Variants in HMCN1 observed in about 807,000 individuals in gnomAD.
HMCN1 encodes hemicentin-1.
Under a neutral mutation model 625.9 loss-of-function variants are expected in HMCN1, and 321 were observed. The observed-to-expected ratio is 0.51, with a 90% CI of 0.47 to 0.56. The LOEUF is 0.56. Among genes scored for constraint, HMCN1 ranks in the 20% least tolerant of loss-of-function variants. HMCN1 has a pLI of 0.00. For synonymous variants in HMCN1, 2,425 were observed against 2,417.6 expected (o/e 1.00, Z -0.09); for missense variants, 6,588 against 6,887.3 (o/e 0.96, Z 1.54).
chr1:186,169,033 C>A (rs1232831859), intron 100 of HMCN1, among the ~76,000 whole-genome samples: 1 of 152,112 alleles, frequency 6.6e-6, no homozygotes, highest in Non-Finnish European at 1.5e-5. Context: ...TTTTCTGTTC[C>A]TGTGTTAGTT....
chr1:185,900,394 G>A (rs954565971), intron 4 of HMCN1, among the ~76,000 whole-genome samples: 13 of 151,898 alleles, frequency 8.6e-5, no homozygotes, highest in South Asian at 4.1e-4. Context: ...CATATAAATC[G>A]AAATGTCCTT....
At chr1:185,936,790 A>G (rs568459813) in intron 11 of HMCN1, among the ~76,000 whole-genome samples, 29 of 152,334 alleles carry the variant, frequency 1.9e-4, no homozygotes, top group African/African-American at 7.0e-4. Context: ...GGGGAGCATC[A>G]CATCTCAGCC....
intron 1 of HMCN1, among the ~76,000 whole-genome samples, chr1:185,822,856 TC>T (rs139330553): frequency 0.032 from 4,888 of 152,178 alleles, 234 homozygotes; most frequent in African/African-American, 0.11. Flanking sequence ...TGATAATACT[TC>T]AGATTCAGGA....
intron 46 of HMCN1, among the ~76,000 whole-genome samples, chr1:186,057,687 C>T (rs1228689877): frequency 6.6e-6 from 1 of 151,918 alleles, no homozygotes; most frequent in Non-Finnish European, 1.5e-5. Context: ...TGAGCATCCA[C>T]CAATTTGAAA....
intron 14 of HMCN1, among the ~76,000 whole-genome samples, 187 bp downstream of exon 14, chr1:185,966,102 T>C (rs1311297093): frequency 6.6e-6 from 1 of 152,138 alleles, no homozygotes; most frequent in Non-Finnish European, 1.5e-5. Context: ...CTGGTATGGA[T>C]TACAGGACTG....
chr1:185,789,171 T>C (rs1657826228), intron 1 of HMCN1, among the ~76,000 whole-genome samples: 1 of 152,230 alleles, frequency 6.6e-6, no homozygotes, highest in African/African-American at 2.4e-5. Flanking sequence ...TGAGTATTAA[T>C]GTGACTCGAC....
chr1:186,152,695 T>G (rs1650749738), intron 95 of HMCN1, 55 bp from the exon 96 acceptor site: 4 of 1,610,344 alleles, frequency 2.5e-6, no homozygotes, highest in Non-Finnish European at 3.4e-6. Flanking sequence ...ATCTGCTCTG[T>G]GCTTACAGAA....
At chr1:186,126,505 T>TG (rs1229089478) in intron 82 of HMCN1, among the ~76,000 whole-genome samples, 3 of 151,940 alleles carry the variant, frequency 2.0e-5, no homozygotes, top group African/African-American at 7.3e-5. Context: ...TGTCAGGAGT[T>TG]GGAGCAGTGA....
At chr1:185,851,393 A>G (rs1175487111) in intron 2 of HMCN1, among the ~76,000 whole-genome samples, 1 of 152,166 alleles carries the variant, frequency 6.6e-6, no homozygotes, top group African/African-American at 2.4e-5. Context: ...TTTTTCTTCT[A>G]GAGATATGGA....
chr1:186,076,393 A>G (rs1473715945), intron 53 of HMCN1, 35 bp from the exon 54 acceptor site: 1 of 1,583,870 alleles, frequency 6.3e-7, no homozygotes, highest in East Asian at 2.2e-5. Flanking sequence ...TTAAGCATTT[A>G]TATGTGACCA....
chr1:186,061,970 T>G lies in HMCN1; in HGVS notation c.7426+6T>G. 1 of 1,551,492 alleles carries G rather than the reference T, an allele frequency of 6.4e-7. No homozygotes were observed. The highest frequency in any genetic ancestry group is 1.4e-5 in the African/African-American group (1 of 73,458). ...CTTTGGGCTTTCAGTATTAGGTACTTATATAGTTTGCAATATCTAGAAGAA... is the reference window on the plus strand; with the variant it reads ...CTTTGGGCTTTCAGTATTAGGTACTGATATAGTTTGCAATATCTAGAAGAA... On this transcript the variant is annotated splice_donor_region_variant and intron_variant, in intron 47 of 106. Coordinates refer to ENST00000271588, the MANE Select transcript of HMCN1 (RefSeq NM_031935.3).
At chr1:186,148,356 C>CA (rs1244669140) in intron 93 of HMCN1, among the ~76,000 whole-genome samples, 1 of 152,160 alleles carries the variant, frequency 6.6e-6, no homozygotes, top group Non-Finnish European at 1.5e-5. Context: ...AATCAACTTC[C>CA]AATATCCTGT....
At chr1:186,074,954 A>G in intron 53 of HMCN1, 63 bp downstream of exon 53, 1 of 1,369,040 alleles carries the variant, frequency 7.3e-7, no homozygotes, top group South Asian at 1.2e-5. Flanking sequence ...AAAAGAAAAG[A>G]GATTTGACTT....
At chr1:186,117,731 T>C in intron 77 of HMCN1, 108 bp downstream of exon 77, 1 of 1,058,936 alleles carries the variant, frequency 9.4e-7, no homozygotes, top group Non-Finnish European at 1.5e-6. Context: ...TATGCATGCA[T>C]TCTTGAACTT....
chr1:185,874,644 G>T (rs911546066), intron 4 of HMCN1, among the ~76,000 whole-genome samples: 1 of 151,774 alleles, frequency 6.6e-6, no homozygotes, highest in African/African-American at 2.4e-5. Context: ...GACCCCAGAA[G>T]AAAAATGTAC....
chr1:186,049,035 G>A (rs1395547981), intron 42 of HMCN1, among the ~76,000 whole-genome samples, 196 bp downstream of exon 42: 1 of 152,062 alleles, frequency 6.6e-6, no homozygotes, highest in Non-Finnish European at 1.5e-5. Flanking sequence ...GAACTTTCTT[G>A]TAACTTAGAT....
intron 97 of HMCN1, among the ~76,000 whole-genome samples, chr1:186,156,190 A>G (rs1651008696): frequency 6.6e-6 from 1 of 152,194 alleles, no homozygotes. Context: ...GCAGGAATAT[A>G]TAAATTTAAC....
intron 104 of HMCN1, among the ~76,000 whole-genome samples, chr1:186,181,934 C>T (rs955434696): frequency 6.6e-6 from 1 of 152,070 alleles, no homozygotes; most frequent in Admixed American, 6.6e-5. Context: ...TGTGCTTACA[C>T]AAAGAAATGT....
At chr1:185,972,789 A>G (rs181161799) in intron 15 of HMCN1, among the ~76,000 whole-genome samples, 6 of 152,216 alleles carry the variant, frequency 3.9e-5, no homozygotes, top group African/African-American at 7.2e-5. Context: ...CTGCCTACCT[A>G]GTGCCTGGTA....
Sources: gnomAD v4.1 joint callset for allele counts (sites outside exome capture counted in the v4.1 genomes callset) on GRCh38, gnomAD v4.1.1 for gene constraint, MANE v1.5 for transcripts, NCBI Gene and HGNC (gene_info 2026-07-23, HGNC 2026-07-21) for gene names.